PRKN: variants seen among roughly 807,000 people sequenced by gnomAD.
PRKN encodes parkin RBR E3 ubiquitin protein ligase.
PRKN carries 56 observed loss-of-function variants against 59.5 expected under a neutral mutation model. The ratio of observed to expected loss-of-function variants is 0.94; its 90% CI spans 0.76 to 1.18. The LOEUF (loss-of-function observed/expected upper bound fraction) is 1.18, where lower values mean the gene tolerates loss of function less well. PRKN is among the 50% of genes most tolerant of loss of function. PRKN has a pLI of 0.00. For missense variants in PRKN, 657 were observed against 596.4 expected (o/e 1.10, Z -1.06); for synonymous variants, 250 against 222.1 (o/e 1.13, Z -1.12).
chr6:162,234,787 C>T (rs578053149), intron 3 of PRKN, among the ~76,000 whole-genome samples: 4 of 152,282 alleles, frequency 2.6e-5, no homozygotes, highest in African/African-American at 9.6e-5. Context: ...TGACAGACAC[C>T]GTCTGTGTTA....
At chr6:161,889,415 A>G (rs181990164) in intron 6 of PRKN, among the ~76,000 whole-genome samples, 2 of 152,322 alleles carry the variant, frequency 1.3e-5, no homozygotes, top group Admixed American at 1.3e-4. Flanking sequence ...AACAGTCACC[A>G]CTGAGCAACA....
intron 1 of PRKN, among the ~76,000 whole-genome samples, chr6:162,480,368 T>G (rs1792245385): frequency 6.6e-6 from 1 of 152,198 alleles, no homozygotes; most frequent in South Asian, 2.1e-4. Context: ...CACATGGCTG[T>G]ATACATTTTT....
At chr6:162,581,395 G>A (rs530566460) in intron 1 of PRKN, among the ~76,000 whole-genome samples, 1 of 152,336 alleles carries the variant, frequency 6.6e-6, no homozygotes, top group South Asian at 2.1e-4. Context: ...AACAAGAAAA[G>A]GAAACCAATT....
At chr6:161,714,547 T>G (rs1013279378) in intron 7 of PRKN, among the ~76,000 whole-genome samples, 2 of 152,210 alleles carry the variant, frequency 1.3e-5, no homozygotes. Context: ...GATAAATTTC[T>G]GTTCTTTATA....
intron 6 of PRKN, among the ~76,000 whole-genome samples, chr6:161,928,007 A>C (rs1713558353): frequency 6.6e-6 from 1 of 152,306 alleles, no homozygotes; most frequent in East Asian, 1.9e-4. Flanking sequence ...TACACCTACT[A>C]TGATGGTACC....
At chr6:162,171,288 C>A (rs978717753) in intron 4 of PRKN, among the ~76,000 whole-genome samples, 35 of 152,056 alleles carry the variant, frequency 2.3e-4, no homozygotes, top group South Asian at 1.9e-3. Context: ...TTTATCCACC[C>A]CAAGTTGGGA....
In PRKN at chr6:161,391,892, C is replaced by T. The variant is rs1786518000; in HGVS notation, c.1084-5015G>A. 6.6e-6 allele frequency among the ~76,000 whole-genome samples: 1 copy of T among 151,904 alleles called. No individual in the cohort carries two copies. Among genetic ancestry groups the T allele is most frequent in the Admixed American group, 6.6e-5 (1 of 15,264 alleles). On this transcript the variant is annotated intron_variant, in intron 9 of 11. Transcript: ENST00000366898. This position sits in a 1 kb window ranked among gnomAD's most constrained non-coding sequence, Gnocchi z 4.9. ...TGGATTTAGGAGGTGCCTACCCAGC[C>T]CTGAAACCGTGTAAGCCACTTCCTT...
chr6:162,180,840 G>A (rs1783769707), intron 4 of PRKN, among the ~76,000 whole-genome samples: 1 of 152,144 alleles, frequency 6.6e-6, no homozygotes, highest in South Asian at 2.1e-4. Flanking sequence ...GTATCTCAAT[G>A]ACTGGGCACA....
At chr6:162,234,482 T>C (rs1778561634) in intron 3 of PRKN, among the ~76,000 whole-genome samples, 1 of 152,106 alleles carries the variant, frequency 6.6e-6, no homozygotes, top group Non-Finnish European at 1.5e-5. Flanking sequence ...CTGAGGAGGG[T>C]TGGTTCCAGG....
rs147263668 is a variant in PRKN at position 161,888,576 on chromosome 6, T to C, written c.734+84726A>G. On this transcript the variant is annotated intron_variant, in intron 6 of 11. Transcript: ENST00000366898. ...AATTAGCCTTTCTAGGAGTGGGGCA[T>C]GGGGAACTATATTTACATTTTTTCC... Among the ~76,000 whole-genome samples the C allele has an allele frequency of 6.3e-3, 964 of 152,264 alleles. 8 individuals are homozygous for C. Among genetic ancestry groups the C allele is most frequent in the African/African-American group, 0.022 (913 of 41,546 alleles).
At chr6:162,670,477 T>C (rs973215500) in intron 1 of PRKN, among the ~76,000 whole-genome samples, 2 of 152,192 alleles carry the variant, frequency 1.3e-5, no homozygotes, top group Non-Finnish European at 2.9e-5. Context: ...CTGCAGAACA[T>C]GGTCACAAAA....
chr6:161,621,477 T>C (rs748884510), intron 7 of PRKN, among the ~76,000 whole-genome samples: 10 of 152,042 alleles, frequency 6.6e-5, no homozygotes, highest in Non-Finnish European at 1.3e-4. Context: ...GAGGAGAGTG[T>C]ATCCCAGCTC....
rs796580970 is a variant in PRKN at position 162,162,987 on chromosome 6, G to A, written c.534+38144C>T. On this transcript the variant is annotated intron_variant, in intron 4 of 11. Transcript: ENST00000366898. ...CGTGCCACTGTACTCCAGCCTGGGC[G>A]ACAGAGCGAGATTCTGTCTCAAAAA... 4.0e-5 allele frequency among the ~76,000 whole-genome samples: 6 copies of A among 148,676 alleles called. 2 individuals are homozygous for A. The highest frequency in any genetic ancestry group is 5.9e-5 in the Non-Finnish European group (4 of 67,390).
intron 2 of PRKN, among the ~76,000 whole-genome samples, chr6:162,319,202 C>T (rs60775021): frequency 0.22 from 33,448 of 151,766 alleles, 4,507 homozygotes; most frequent in East Asian, 0.52. Flanking sequence ...TAAATTGGTT[C>T]TGCTGTACAT....
chr6:161,476,044 G>T (rs940841707), intron 9 of PRKN, among the ~76,000 whole-genome samples: 1 of 151,924 alleles, frequency 6.6e-6, no homozygotes, highest in Non-Finnish European at 1.5e-5. Context: ...AAAATTAGCC[G>T]GGCGTGGTGG....
chr6:161,998,748 A>G (rs537453854), intron 5 of PRKN, among the ~76,000 whole-genome samples: 21 of 152,150 alleles, frequency 1.4e-4, no homozygotes, highest in Non-Finnish European at 2.6e-4. Flanking sequence ...TGTAAGAGAA[A>G]TCCAATCCCG....
intron 7 of PRKN, among the ~76,000 whole-genome samples, chr6:161,642,814 T>A (rs1035196908): frequency 6.6e-6 from 1 of 152,202 alleles, no homozygotes; most frequent in African/African-American, 2.4e-5. Context: ...ATGTGGTGGG[T>A]TAATCAGAAA....
intron 1 of PRKN, 78 bp from the exon 2 acceptor site, chr6:162,443,551 A>T: frequency 7.3e-7 from 1 of 1,361,466 alleles, no homozygotes; most frequent in Non-Finnish European, 1.1e-6. Flanking sequence ...AACATTTCTC[A>T]ACCGATTTAC....
At chr6:162,268,287 T>C (rs143118471) in intron 2 of PRKN, among the ~76,000 whole-genome samples, 1 of 152,270 alleles carries the variant, frequency 6.6e-6, no homozygotes, top group Non-Finnish European at 1.5e-5. Context: ...TAAATCATGA[T>C]GGGGCAGAGC....
Sources: gnomAD v4.1 joint callset for allele counts (sites outside exome capture counted in the v4.1 genomes callset) on GRCh38, gnomAD v4.1.1 for gene constraint, Gnocchi (gnomAD v3.1) non-coding constraint, MANE v1.5 for transcripts, NCBI Gene and HGNC (gene_info 2026-07-23, HGNC 2026-07-21) for gene names.